Variants in BEST1 observed in about 807,000 individuals in gnomAD.
The protein encoded by BEST1 is bestrophin-1.
In BEST1, 58 loss-of-function variants were observed where a neutral mutation model predicts 63.3. The ratio of observed to expected loss-of-function variants is 0.92; its 90% CI spans 0.74 to 1.14. The LOEUF is 1.14. Ranked by LOEUF, BEST1 falls within the 50% of genes most tolerant of loss-of-function variation. BEST1 has a pLI of 0.00. For synonymous variants in BEST1, 283 were observed against 291.6 expected (o/e 0.97, Z 0.30); for missense variants, 671 against 740.1 (o/e 0.91, Z 1.08).
At position 61,962,875 on chromosome 11, in the gene BEST1, A is replaced by G; in HGVS notation, c.1721A>G (p.Tyr574Cys). 2 of 1,614,150 alleles carry G rather than the reference A, an allele frequency of 1.2e-6. No individual in the cohort carries two copies. The highest frequency in any genetic ancestry group is 1.7e-6 in the Non-Finnish European group (2 of 1,180,004). The change falls in exon 10 of 11, where the codon TAT becomes TGT. Residue 574 changes from tyrosine (Y) to cysteine (C), a missense_variant. Physicochemically the swap from Tyr to Cys is radical, Grantham distance 194. Coordinates refer to ENST00000378043, the MANE Select transcript of BEST1 (RefSeq NM_004183.4). ...HTTLKDHMDPYWALENRDEAH... is the reference protein window; with the variant it reads ...HTTLKDHMDPCWALENRDEAH... The stretch of plus-strand genomic sequence containing the variant: ...ACACTCAAAGATCACATGGATCCTT[A>G]TTGGGCCTTGGAAAACAGGTCTGTC...
chr11:61,954,505 G>A (rs1001851310), intron 2 of BEST1, among the ~76,000 whole-genome samples: 4 of 151,964 alleles, frequency 2.6e-5, no homozygotes, highest in Admixed American at 2.6e-4. Flanking sequence ...ACAGTGTCTC[G>A]CTCTGTCACC....
intron 2 of BEST1, among the ~76,000 whole-genome samples, chr11:61,953,454 C>T (rs773385753): frequency 4.6e-5 from 7 of 151,814 alleles, no homozygotes; most frequent in Non-Finnish European, 1.0e-4. Flanking sequence ...GGCTTACACC[C>T]GTAATCCCAG....
At chr11:61,959,778 G>A (rs368631118) in intron 8 of BEST1, 114 bp from the exon 9 acceptor site, 1 of 1,487,426 alleles carries the variant, frequency 6.7e-7, no homozygotes, top group Non-Finnish European at 9.2e-7. Flanking sequence ...CCATTTCACA[G>A]GCAGGGAAAC....
chr11:61,956,013 C>A, intron 4 of BEST1, 62 bp downstream of exon 4: 3 of 1,469,800 alleles, frequency 2.0e-6, no homozygotes, highest in Non-Finnish European at 9.2e-7. Context: ...ATGGGCGCGG[C>A]AGGAATGGAA....
chr11:61,965,227 T>C, downstream of BEST1: 2 of 1,593,384 alleles, frequency 1.3e-6, no homozygotes, highest in Non-Finnish European at 1.7e-6. Flanking sequence ...TAATTTAGTT[T>C]AGATGGTAAG....
chr11:61,956,783 G>A, intron 4 of BEST1, 61 bp from the exon 5 acceptor site: 2 of 1,603,890 alleles, frequency 1.2e-6, no homozygotes, highest in Admixed American at 3.3e-5. Context: ...TAGGTCAGCA[G>A]GTGCCGGCCA....
chr11:61,962,855 C>G lies in BEST1; in HGVS notation c.1701C>G (p.Leu567=), dbSNP rs756114066. 6.2e-7 allele frequency: 1 copy of G among 1,614,214 alleles called. No individual in the cohort carries two copies. Among genetic ancestry groups the G allele is most frequent in the Non-Finnish European group, 8.5e-7 (1 of 1,180,048 alleles). ...EQSPTNIHTT[L]KDHMDPYWAL... ...CACCAACCAACATACACACTACACTCAAAGATCACATGGATCCTTATTGGG... is the reference window on the plus strand; with the variant it reads ...CACCAACCAACATACACACTACACTGAAAGATCACATGGATCCTTATTGGG... The change falls in exon 10 of 11, where the codon CTC becomes CTG. Residue 567 remains leucine (L), a synonymous_variant. Transcript: ENST00000378043.
chr11:61,957,208 G>A (rs889969375), intron 5 of BEST1, among the ~76,000 whole-genome samples, 179 bp from the exon 6 acceptor site: 4 of 152,262 alleles, frequency 2.6e-5, no homozygotes, highest in African/African-American at 7.2e-5. Flanking sequence ...GTGAGGTCCT[G>A]GTTCCCTTTT....
rs1013116094 is a variant in BEST1 at position 61,963,902 on chromosome 11, A to AGGCGTTG, written c.1740-200_1740-199insCGTTGGG. The AGGCGTTG allele has an allele frequency of 5.1e-6, 7 of 1,366,894 alleles. No individual in the cohort carries two copies. In the African/African-American group the frequency reaches 1.0e-4, roughly 20 times the overall value. 84.7% of individuals were successfully genotyped at this position (1,366,894 alleles called of 1,614,324 possible). A position where few individuals can be genotyped will look rare whatever the true frequency, so the allele number is the denominator to read the frequency against. On this transcript the variant is annotated intron_variant, in intron 10 of 10. Coordinates refer to ENST00000378043, the MANE Select transcript of BEST1 (RefSeq NM_004183.4). ...CCTGTAGTCCCAACGCAGGAGGTTG[A>AGGCGTTG]GGGGAGAATTGCTTGAACCCAGGAG...
intron 2 of BEST1, among the ~76,000 whole-genome samples, chr11:61,952,957 G>T (rs1304524611): frequency 1.3e-5 from 2 of 151,874 alleles, no homozygotes; most frequent in Non-Finnish European, 2.9e-5. Context: ...TAAAAAATTA[G>T]CTGGGAGTGG....
rs764895096 is a variant in BEST1, at chr11:61,962,715, G to A, written c.1561G>A (p.Gly521Arg). ...KSFELLSESD[G>R]ALMEHPEVSQ... ...TTTTGAATTGCTCTCAGAGAGCGAT[G>A]GGGCCTTGATGGAGCACCCAGAAGT... The change falls in exon 10 of 11, where the codon GGG becomes AGG. Residue 521 changes from glycine to arginine, a missense_variant. By Grantham distance (125) the Gly-to-Arg change is moderately radical. Coordinates refer to ENST00000378043, the MANE Select transcript of BEST1 (RefSeq NM_004183.4). 41 of 1,614,034 alleles carry A rather than the reference G, an allele frequency of 2.5e-5. No homozygotes were observed. Among genetic ancestry groups the A allele is most frequent in the Non-Finnish European group, 3.3e-5 (39 of 1,179,992 alleles).
intron 10 of BEST1, chr11:61,963,173 T>C: frequency 6.9e-7 from 1 of 1,442,238 alleles, no homozygotes; most frequent in Non-Finnish European, 9.1e-7. Context: ...AGAATGCTGC[T>C]GGAGAACTGC....
In BEST1 at chr11:61,956,954, G is replaced by A. The variant is rs1941433718; in HGVS notation, c.592G>A (p.Gly198Arg). ...FANLSMKAWLGGRIRDPILLQ... is the reference protein window; with the variant it reads ...FANLSMKAWLRGRIRDPILLQ... ...CAACCTGTCAATGAAGGCGTGGCTT[G>A]GAGGTCGAATCCGGGACCCTATCCT... Residue 198 changes from glycine (G) to arginine (R), a missense_variant, in exon 5 of 11, where the codon GGA becomes AGA. By Grantham distance (125) the Gly-to-Arg change is moderately radical (BLOSUM62 -2). Coordinates refer to ENST00000378043, the MANE Select transcript of BEST1 (RefSeq NM_004183.4). The A allele has an allele frequency of 6.2e-7, 1 of 1,614,028 alleles. No homozygotes were observed. Among genetic ancestry groups the A allele is most frequent in the African/African-American group, 1.3e-5 (1 of 74,910 alleles).
chr11:61,964,174 A>C lies in BEST1; in HGVS notation c.*52A>C. On this transcript the variant is annotated 3_prime_UTR_variant, in exon 11 of 11. Coordinates refer to ENST00000378043, the MANE Select transcript of BEST1 (RefSeq NM_004183.4). ...CAGCCAGGTCCTCACCTGTGTGTACACCAGCAGGACACTGATCCAGTCACA... is the reference window on the plus strand; with the variant it reads ...CAGCCAGGTCCTCACCTGTGTGTACCCCAGCAGGACACTGATCCAGTCACA... The C allele has an allele frequency of 1.9e-6, 3 of 1,612,822 alleles. No individual in the cohort carries two copies. Among genetic ancestry groups the C allele is most frequent in the Non-Finnish European group, 2.5e-6 (3 of 1,179,700 alleles).
chr11:61,963,053 C>G, intron 10 of BEST1, 160 bp downstream of exon 10: 1 of 1,516,148 alleles, frequency 6.6e-7, no homozygotes, highest in Non-Finnish European at 8.9e-7. Context: ...TATACTTGGC[C>G]ACCTTCACAG....
chr11:61,964,283 A>T lies in BEST1; in HGVS notation c.*161A>T. ...GCTTAATAGATAAAAATCCCAGACT[A>T]CTTCAGCCTTTAATGCCTTTTATTC... On this transcript the variant is annotated 3_prime_UTR_variant, in exon 11 of 11. Coordinates refer to ENST00000378043, the MANE Select transcript of BEST1 (RefSeq NM_004183.4). 1 of 1,395,146 alleles carries T rather than the reference A, an allele frequency of 7.2e-7. No individual in the cohort carries two copies. Among genetic ancestry groups the T allele is most frequent in the Non-Finnish European group, 9.7e-7 (1 of 1,033,280 alleles). 86.4% of individuals were successfully genotyped at this position (1,395,146 alleles called of 1,614,324 possible).
In BEST1 at chr11:61,962,575, C is replaced by A. The variant is rs1162446542; in HGVS notation, c.1421C>A (p.Pro474His). 6.2e-7 allele frequency: 1 copy of A among 1,614,158 alleles called. No homozygotes were observed. The highest frequency in any genetic ancestry group is 8.5e-7 in the Non-Finnish European group (1 of 1,180,016). Reference protein sequence around the residue: ...YYSAPQTPLSPTPMFFPLEPS... With the variant: ...YYSAPQTPLSHTPMFFPLEPS... The stretch of plus-strand genomic sequence containing the variant: ...AGTGCCCCACAGACGCCCCTCAGCC[C>A]CACTCCCATGTTCTTCCCCCTAGAA... Residue 474 changes from proline to histidine, a missense_variant, in exon 10 of 11, where the codon CCC becomes CAC. Pro to His is a moderately conservative substitution (Grantham distance 77, BLOSUM62 -2). Coordinates refer to ENST00000378043, the MANE Select transcript of BEST1 (RefSeq NM_004183.4).
chr11:61,951,286 C>T (rs1292948787), intron 1 of BEST1, among the ~76,000 whole-genome samples: 2 of 152,148 alleles, frequency 1.3e-5, no homozygotes, highest in Non-Finnish European at 2.9e-5. Context: ...CAGCTCACTG[C>T]AACCTCCACC....
intron 5 of BEST1, among the ~76,000 whole-genome samples, 180 bp from the exon 6 acceptor site, chr11:61,957,207 T>C (rs1306247488): frequency 6.6e-6 from 1 of 152,162 alleles, no homozygotes; most frequent in African/African-American, 2.4e-5. Context: ...TGTGAGGTCC[T>C]GGTTCCCTTT....
Sources: gnomAD v4.1 joint callset for allele counts (sites outside exome capture counted in the v4.1 genomes callset) on GRCh38, gnomAD v4.1.1 for gene constraint, MANE v1.5 for transcripts, NCBI Gene and HGNC (gene_info 2026-07-23, HGNC 2026-07-21) for gene names.